The following SRGAP2C variants were observed in gnomAD, a reference collection of about 807,000 sequenced individuals.
SRGAP2C encodes SLIT-ROBO Rho GTPase activating protein 2C.
A neutral mutation model predicts 25.1 loss-of-function variants in SRGAP2C; 15 were observed. That is an observed-to-expected ratio of 0.60 (90% CI 0.40 to 0.92). The LOEUF (loss-of-function observed/expected upper bound fraction) is 0.92. Among genes scored for constraint, SRGAP2C ranks in the 40% least tolerant of loss-of-function variants. The probability of loss-of-function intolerance (pLI) is 0.00; values close to 1 mark genes in which losing one functional copy is unlikely to be tolerated. For synonymous variants in SRGAP2C, 44 were observed against 96.6 expected (o/e 0.46, Z 3.19); for missense variants, 144 against 264.4 (o/e 0.54, Z 3.16).
At chr1:121,198,080 G>A (rs1553320900) in intron 2 of SRGAP2C, among the ~76,000 whole-genome samples, 1 of 37,158 alleles carries the variant, frequency 2.7e-5, no homozygotes, top group African/African-American at 1.1e-4. Context: ...GAGGTCCTAA[G>A]GAACAAGCAG....
At chr1:121,329,176 A>G (rs1165820145) in intron 4 of SRGAP2C, among the ~76,000 whole-genome samples, 4 of 150,702 alleles carry the variant, frequency 2.7e-5, no homozygotes, top group African/African-American at 9.7e-5. Flanking sequence ...ATGCTGTTGC[A>G]CTTCAGTCTA....
At chr1:121,258,338 C>T (rs1296839467) in intron 2 of SRGAP2C, among the ~76,000 whole-genome samples, 3 of 151,456 alleles carry the variant, frequency 2.0e-5, no homozygotes, top group African/African-American at 7.3e-5. Context: ...GGGAAGCAAG[C>T]TGCGGATTCT....
intron 2 of SRGAP2C, among the ~76,000 whole-genome samples, chr1:121,189,069 C>G (rs1156952046): frequency 9.4e-6 from 1 of 106,014 alleles, no homozygotes; most frequent in African/African-American, 4.1e-5. Context: ...CTCTTGGAAT[C>G]CCCCCTGCAG....
intron 3 of SRGAP2C, among the ~76,000 whole-genome samples, chr1:121,291,113 A>AAAAG: frequency 7.9e-6 from 1 of 126,904 alleles, no homozygotes; most frequent in Non-Finnish European, 1.7e-5. Context: ...AGTAAGAGCA[A>AAAAG]AAAAAAAAAA....
At chr1:121,306,307 C>T (rs1657836718) in intron 3 of SRGAP2C, among the ~76,000 whole-genome samples, 1 of 136,684 alleles carries the variant, frequency 7.3e-6, no homozygotes, top group South Asian at 2.7e-4. Flanking sequence ...CCATTGCTTT[C>T]AGAATCCTCA....
At chr1:121,196,237 C>T (rs1408825868) in intron 2 of SRGAP2C, among the ~76,000 whole-genome samples, 2 of 51,042 alleles carry the variant, frequency 3.9e-5, no homozygotes. Context: ...GAGCCGAGAT[C>T]GTGCCCTTGC....
intron 4 of SRGAP2C, chr1:121,361,787 C>G (rs1553348616): frequency 1.5e-4 from 22 of 148,710 alleles, no homozygotes; most frequent in Non-Finnish European, 2.8e-4. Context: ...TTTTTCCAGG[C>G]AAAGATTACT....
At chr1:121,191,104 G>A (rs1316347867) in intron 2 of SRGAP2C, among the ~76,000 whole-genome samples, 2 of 152,098 alleles carry the variant, frequency 1.3e-5, no homozygotes, top group African/African-American at 4.8e-5. Flanking sequence ...TGACTTGAAA[G>A]CAATAATATT....
intron 2 of SRGAP2C, among the ~76,000 whole-genome samples, chr1:121,268,047 G>A (rs1372081449): frequency 1.4e-5 from 2 of 144,748 alleles, no homozygotes; most frequent in Non-Finnish European, 3.1e-5. Context: ...AGGCACTGTG[G>A]CATCGGGGAT....
chr1:121,269,894 T>C lies in SRGAP2C; in HGVS notation c.68-14909T>C, dbSNP rs2101545583. The stretch of plus-strand genomic sequence containing the variant: ...GTCTGGAAGAATTAGGTAATTCGTG[T>C]TTTTAAACTTCCTTGCACTACTCTT... On this transcript the variant is annotated intron_variant, in intron 2 of 9. Coordinates refer to ENST00000367123, the MANE Select transcript of SRGAP2C (RefSeq NM_001329984.2). Among the ~76,000 whole-genome samples the C allele has an allele frequency of 2.0e-5, 3 of 151,058 alleles. No individual in the cohort carries two copies. In the Admixed American group the frequency reaches 2.0e-4, roughly 10 times the overall value.
intron 3 of SRGAP2C, among the ~76,000 whole-genome samples, chr1:121,295,654 G>T (rs1657580199): frequency 6.6e-6 from 1 of 151,982 alleles, no homozygotes. Context: ...AAAGAAAGAG[G>T]TCTGTAAAGT....
intron 2 of SRGAP2C, among the ~76,000 whole-genome samples, chr1:121,271,117 G>A (rs1656946389): frequency 6.6e-6 from 1 of 150,676 alleles, no homozygotes. Flanking sequence ...TTTTTTTGGT[G>A]TTTTGTTTTG....
intron 2 of SRGAP2C, among the ~76,000 whole-genome samples, chr1:121,201,042 T>TC (rs1553321636): frequency 1.5e-5 from 2 of 131,294 alleles, no homozygotes; most frequent in African/African-American, 5.7e-5. Flanking sequence ...TTTTTTTTTT[T>TC]CTTTGTTTTC....
intron 2 of SRGAP2C, among the ~76,000 whole-genome samples, chr1:121,270,348 T>C (rs587729538): frequency 1.8e-4 from 27 of 151,422 alleles, no homozygotes; most frequent in African/African-American, 6.3e-4. Flanking sequence ...CTGTATTTTG[T>C]TAGCAATCCA....
chr1:121,285,404 T>TCACACACACACACACA (rs1343653361), intron 3 of SRGAP2C, among the ~76,000 whole-genome samples: 1 of 124,552 alleles, frequency 8.0e-6, no homozygotes, highest in African/African-American at 2.9e-5. Flanking sequence ...TCTCTCTCTC[T>TCACACACACACACACA]CACACACACA....
chr1:121,265,979 G>A (rs1472576548), intron 2 of SRGAP2C, among the ~76,000 whole-genome samples: 3 of 151,756 alleles, frequency 2.0e-5, no homozygotes, highest in African/African-American at 7.3e-5. Flanking sequence ...TTCGTTTGTT[G>A]TTGTTGTTGT....
rs1303971631 is a variant in SRGAP2C at position 121,392,418 on chromosome 1, A to C, written c.*4563A>C. ...TTTCTTTCAATTTTCTCAATTACTA[A>C]GAGATGTTTAAGTACCCTTAGCATG... On this transcript the variant is annotated 3_prime_UTR_variant, in exon 10 of 10. Transcript: ENST00000367123. 6.6e-6 allele frequency: 1 copy of C among 151,202 alleles called. No homozygotes were observed. The highest frequency in any genetic ancestry group is 1.5e-5 in the Non-Finnish European group (1 of 67,868). 9.4% of individuals were successfully genotyped at this position (151,202 alleles called of 1,614,324 possible). A position where few individuals can be genotyped will look rare whatever the true frequency, so the allele number is the denominator to read the frequency against.
intron 3 of SRGAP2C, among the ~76,000 whole-genome samples, chr1:121,304,223 A>C (rs1171182323): frequency 7.9e-6 from 1 of 127,140 alleles, no homozygotes; most frequent in Non-Finnish European, 1.7e-5. Flanking sequence ...AAAAAAAAAA[A>C]AAAAAAAAGA....
At chr1:121,335,267 G>A (rs1241260813) in intron 4 of SRGAP2C, among the ~76,000 whole-genome samples, 1 of 147,760 alleles carries the variant, frequency 6.8e-6, no homozygotes, top group African/African-American at 2.5e-5. Flanking sequence ...CTTGAACCCG[G>A]AAGGTGGAGT....
Sources: gnomAD v4.1 joint callset for allele counts (sites outside exome capture counted in the v4.1 genomes callset) on GRCh38, gnomAD v4.1.1 for gene constraint, MANE v1.5 for transcripts, NCBI Gene and HGNC (gene_info 2026-07-23, HGNC 2026-07-21) for gene names.